PXDN: variants seen among roughly 807,000 people sequenced by gnomAD.
PXDN encodes the protein peroxidasin homolog.
PXDN carries 77 observed loss-of-function variants against 140.3 expected under a neutral mutation model. The ratio of observed to expected loss-of-function variants is 0.55; its 90% CI spans 0.46 to 0.66. The LOEUF is 0.66. Among genes scored for constraint, PXDN ranks in the 30% least tolerant of loss-of-function variants. PXDN has a pLI of 0.00. For synonymous variants in PXDN, 911 were observed against 857.4 expected (o/e 1.06, Z -1.09); for missense variants, 1,838 against 2,039.5 (o/e 0.90, Z 1.90).
Position 1,632,870 on chromosome 2 carries a change from C to T in PXDN, c.*1334G>A, listed in dbSNP as rs539557643. 1 of 152,680 alleles carries T rather than the reference C, an allele frequency of 6.5e-6. No homozygotes were observed. Among genetic ancestry groups the T allele is most frequent in the South Asian group, 2.1e-4 (1 of 4,822 alleles). 9.5% of individuals were successfully genotyped at this position (152,680 alleles called of 1,614,324 possible). On this transcript the variant is annotated 3_prime_UTR_variant, in exon 23 of 23. Coordinates refer to ENST00000252804, the MANE Select transcript of PXDN (RefSeq NM_012293.3). This position sits in a 1 kb window ranked among gnomAD's most constrained non-coding sequence, Gnocchi z 4.3. ...GGGCAGGTGGCCCGGACCTTGGTGC[C>T]TCGTGTGCCCAGCACTGTGCCTGGC...
At position 1,720,430 on chromosome 2, in the gene PXDN, G is replaced by A. The variant is rs904653630; in HGVS notation, c.200+23826C>T. ...AGAGAGAGGGAGGGATGCAGAGAGA[G>A]AGGTGGGGTTGAAGGTGAGAAGAGA... is the stretch of plus-strand genomic sequence containing the variant. On this transcript the variant is annotated intron_variant, in intron 1 of 22. Transcript: ENST00000252804. Among the ~76,000 whole-genome samples the A allele has an allele frequency of 5.9e-5, 9 of 152,046 alleles. No individual in the cohort carries two copies. In the East Asian group the frequency reaches 1.2e-3, roughly 20 times the overall value.
chr2:1,680,204 T>A lies in PXDN; in HGVS notation c.719A>T (p.Glu240Val). 1 of 1,574,394 alleles carries A rather than the reference T, an allele frequency of 6.4e-7. No individual in the cohort carries two copies. The highest frequency in any genetic ancestry group is 8.6e-7 in the Non-Finnish European group (1 of 1,159,784). The change falls in exon 7 of 23, where the codon GAG (glutamate) becomes GTG (valine). Residue 240 changes from glutamate (E) to valine (V), a missense_variant. Physicochemically the swap from Glu to Val is moderately radical, Grantham distance 121 (BLOSUM62 -2). Transcript: ENST00000252804. The stretch of plus-strand genomic sequence containing the variant: ...GTCGGGCCACTCACCACAGTTCAGC[T>A]CTTCCGGGGTGATGGTTGCCACTGA... Reference protein sequence around the residue: ...GRSVATITPEELNCERPRITS... With the variant: ...GRSVATITPEVLNCERPRITS...
rs973582481 is a variant in PXDN at position 1,666,149 on chromosome 2, G to A, written c.1291+65C>T. ...ATGGAGCGTCTGTGGGTATGGCAGCGCGAGCTAGTGGAGGGGTGAGGATGG... is the reference window on the plus strand; with the variant it reads ...ATGGAGCGTCTGTGGGTATGGCAGCACGAGCTAGTGGAGGGGTGAGGATGG... On this transcript the variant is annotated intron_variant, in intron 10 of 22. Coordinates refer to ENST00000252804, the MANE Select transcript of PXDN (RefSeq NM_012293.3). 3.2e-5 allele frequency: 51 copies of A among 1,579,672 alleles called. No individual in the cohort carries two copies. The East Asian group carries it at 6.8e-4, about 21-fold the overall frequency.
At chr2:1,723,653 T>C (rs55712556) in intron 1 of PXDN, among the ~76,000 whole-genome samples, 2,289 of 151,920 alleles carry the variant, frequency 0.015, 62 homozygotes, top group African/African-American at 0.052. Flanking sequence ...AATAAATGAA[T>C]AGATGGATGA....
intron 14 of PXDN, among the ~76,000 whole-genome samples, chr2:1,658,666 G>A (rs1281821056): frequency 6.6e-6 from 1 of 151,962 alleles, no homozygotes; most frequent in Non-Finnish European, 1.5e-5. Flanking sequence ...ACTTCCTCAT[G>A]GCGTCCCGGT....
intron 17 of PXDN, among the ~76,000 whole-genome samples, chr2:1,645,225 T>A (rs1018618187): frequency 9.9e-5 from 15 of 152,192 alleles, no homozygotes; most frequent in African/African-American, 2.9e-4. Context: ...GAAAATATAT[T>A]TGCCATAAAG....
intron 15 of PXDN, chr2:1,654,053 C>A: frequency 2.0e-6 from 1 of 500,610 alleles, no homozygotes. Flanking sequence ...TGCAGAAAAA[C>A]TGCTTTGGAA....
Position 1,638,827 on chromosome 2 carries a change from A to T in PXDN, c.4206+19T>A. ...GTGGAATCTTGGAGTGGGGGGACAC[A>T]GGCCGCCAGGCACCTCACCTGTGTT... On this transcript the variant is annotated intron_variant, in intron 21 of 22. Transcript: ENST00000252804. The T allele has an allele frequency of 6.2e-7, 1 of 1,613,874 alleles. No homozygotes were observed.
intron 1 of PXDN, among the ~76,000 whole-genome samples, chr2:1,735,525 C>A (rs566055130): frequency 6.6e-6 from 1 of 152,284 alleles, no homozygotes; most frequent in African/African-American, 2.4e-5. Flanking sequence ...TCTTGGGTGA[C>A]GAGATGCATT....
intron 1 of PXDN, among the ~76,000 whole-genome samples, chr2:1,698,427 G>C (rs931831576): frequency 2.0e-5 from 3 of 152,082 alleles, no homozygotes; most frequent in African/African-American, 7.2e-5. Context: ...GAGTAACAAA[G>C]GCACGTCCTG....
At chr2:1,671,150 T>C (rs1192130369) in intron 9 of PXDN, among the ~76,000 whole-genome samples, 2 of 152,068 alleles carry the variant, frequency 1.3e-5, no homozygotes, top group Non-Finnish European at 2.9e-5. Context: ...AGGGGAAGGT[T>C]ATACTAACTT....
rs183200676 is a variant in PXDN, at chr2:1,661,160, C to T, written c.1681-123G>A. On this transcript the variant is annotated intron_variant, in intron 13 of 22. Coordinates refer to ENST00000252804, the MANE Select transcript of PXDN (RefSeq NM_012293.3). ...TGCAAATGGAGAAGCTCCCAGGCTG[C>T]GCTCAGATCCATCCAGGCCTGGAAA... 1.8e-3 allele frequency: 2,101 copies of T among 1,147,686 alleles called. 14 individuals carry two copies. The highest frequency in any genetic ancestry group is 1.0e-3 in the Non-Finnish European group (808 of 806,986). 71.1% of individuals were successfully genotyped at this position (1,147,686 alleles called of 1,614,324 possible). A position where few individuals can be genotyped will look rare whatever the true frequency, so the allele number is the denominator to read the frequency against.
intron 1 of PXDN, among the ~76,000 whole-genome samples, chr2:1,703,369 T>G (rs948219700): frequency 7.2e-5 from 1 of 13,932 alleles, no homozygotes; most frequent in African/African-American, 3.8e-4. Flanking sequence ...CAGCTCCAGG[T>G]GAAGTGGGGG....
At chr2:1,652,575 A>G (rs918411578) in intron 16 of PXDN, among the ~76,000 whole-genome samples, 5 of 151,970 alleles carry the variant, frequency 3.3e-5, no homozygotes, top group Non-Finnish European at 5.9e-5. Context: ...TCCAACTCCA[A>G]CATTTCCTGC....
intron 7 of PXDN, among the ~76,000 whole-genome samples, chr2:1,678,240 T>A (rs1408658265): frequency 2.0e-5 from 3 of 152,166 alleles, no homozygotes; most frequent in East Asian, 3.9e-4. Flanking sequence ...CACTCCCCGA[T>A]TCCCTCTCCC....
At chr2:1,719,698 C>T (rs1313541165) in intron 1 of PXDN, among the ~76,000 whole-genome samples, 1 of 152,174 alleles carries the variant, frequency 6.6e-6, no homozygotes, top group African/African-American at 2.4e-5. Context: ...GGACCACTGT[C>T]CTGGGTCAGG....
intron 9 of PXDN, among the ~76,000 whole-genome samples, chr2:1,667,966 T>A (rs909138898): frequency 6.6e-6 from 1 of 152,182 alleles, no homozygotes; most frequent in Non-Finnish European, 1.5e-5. Context: ...AAATTTCATA[T>A]GGACCAAAAA....
Position 1,666,225 on chromosome 2 carries a change from A to T in PXDN, c.1280T>A (p.Ile427Asn), listed in dbSNP as rs756587593. The change falls in exon 10 of 23, where the codon ATC (isoleucine) becomes AAC (asparagine). Residue 427 changes from isoleucine (I) to asparagine (N), a missense_variant. Ile to Asn is a moderately radical substitution (Grantham distance 149). Coordinates refer to ENST00000252804, the MANE Select transcript of PXDN (RefSeq NM_012293.3). The part of the protein sequence containing the change: ...NIDSVHATAF[I>N]IVQALPQFTV... Reference sequence around the variant, plus strand: ...GGATGGATACCCACCCTGGACGATGATGAAAGCGGTGGCATGGACGCTGTC... The same window carrying T: ...GGATGGATACCCACCCTGGACGATGTTGAAAGCGGTGGCATGGACGCTGTC... 1 of 1,613,722 alleles carries T rather than the reference A, an allele frequency of 6.2e-7. No individual in the cohort carries two copies. Among genetic ancestry groups the T allele is most frequent in the Non-Finnish European group, 8.5e-7 (1 of 1,179,738 alleles).
At chr2:1,690,648 CAAAAAAAA>C (rs35970382) in intron 3 of PXDN, among the ~76,000 whole-genome samples, 5 of 68,638 alleles carry the variant, frequency 7.3e-5, no homozygotes, top group South Asian at 6.4e-4. Flanking sequence ...TTCAAAATAC[CAAAAAAAA>C]AAAAAAAAAA....
Sources: gnomAD v4.1 joint callset for allele counts (sites outside exome capture counted in the v4.1 genomes callset) on GRCh38, gnomAD v4.1.1 for gene constraint, Gnocchi (gnomAD v3.1) non-coding constraint, MANE v1.5 for transcripts, NCBI Gene and HGNC (gene_info 2026-07-23, HGNC 2026-07-21) for gene names.